Variants in CDC6 observed in about 807,000 individuals in gnomAD.
The protein encoded by CDC6 is DNA replication factor CDC6.
CDC6 carries 46 observed loss-of-function variants against 60.2 expected under a neutral mutation model. That is an observed-to-expected ratio of 0.76 (90% CI 0.60 to 0.98). The LOEUF (loss-of-function observed/expected upper bound fraction) is 0.98. Among genes scored for constraint, CDC6 ranks in the 50% least tolerant of loss-of-function variants. The probability of loss-of-function intolerance (pLI) is 0.00; values close to 1 mark genes in which losing one functional copy is unlikely to be tolerated. For synonymous variants in CDC6, 210 were observed against 233.2 expected (o/e 0.90, Z 0.90); for missense variants, 596 against 652.9 (o/e 0.91, Z 0.95).
intron 9 of CDC6, among the ~76,000 whole-genome samples, chr17:40,300,529 G>A (rs2032924175): frequency 6.6e-6 from 1 of 152,144 alleles, no homozygotes; most frequent in Non-Finnish European, 1.5e-5. Flanking sequence ...CCTTTCATGA[G>A]GTGGGTTTTG....
intron 7 of CDC6, among the ~76,000 whole-genome samples, chr17:40,295,129 A>G (rs1181330083): frequency 6.6e-6 from 1 of 152,180 alleles, no homozygotes; most frequent in Non-Finnish European, 1.5e-5. Flanking sequence ...TTCAGTTCTG[A>G]TTGCTTTTTT....
At chr17:40,295,326 A>ATC in intron 7 of CDC6, 30 bp from the exon 8 acceptor site, 1 of 1,410,592 alleles carries the variant, frequency 7.1e-7, no homozygotes, top group Non-Finnish European at 1.0e-6. Context: ...CTTATGGTTC[A>ATC]AACTGTCATC....
At chr17:40,300,748 T>G in intron 9 of CDC6, 80 bp from the exon 10 acceptor site, 11 of 1,118,302 alleles carry the variant, frequency 9.8e-6, no homozygotes, top group Non-Finnish European at 1.5e-5. Context: ...TAGCTCAAAC[T>G]TAGTATCATC....
intron 9 of CDC6, 104 bp downstream of exon 9, chr17:40,296,871 C>T: frequency 1.2e-6 from 1 of 839,652 alleles, no homozygotes; most frequent in South Asian, 1.3e-5. Context: ...TCCAAACTCA[C>T]CCATTTTTAT....
intron 1 of CDC6, chr17:40,289,110 A>G (rs909938050): frequency 2.9e-6 from 1 of 342,242 alleles, no homozygotes; most frequent in African/African-American, 2.2e-5. Context: ...GCCACTGTTT[A>G]TCTCAGTTTT....
chr17:40,294,908 A>G (rs1371910966), intron 7 of CDC6, among the ~76,000 whole-genome samples: 1 of 152,020 alleles, frequency 6.6e-6, no homozygotes, highest in Non-Finnish European at 1.5e-5. Flanking sequence ...TATTTTTAGT[A>G]GAGCTGGGGT....
At chr17:40,293,792 G>A (rs911685852) in intron 5 of CDC6, among the ~76,000 whole-genome samples, 158 bp from the exon 6 acceptor site, 1 of 152,352 alleles carries the variant, frequency 6.6e-6, no homozygotes, top group Middle Eastern at 3.4e-3. Flanking sequence ...ATTACTTATA[G>A]ATGATGTGGG....
chr17:40,291,472 C>A lies in CDC6; in HGVS notation c.464C>A (p.Thr155Asn). 6.2e-7 allele frequency: 1 copy of A among 1,614,238 alleles called. No individual in the cohort carries two copies. The highest frequency in any genetic ancestry group is 8.5e-7 in the Non-Finnish European group (1 of 1,180,044). ...ACVRLFKQEG[T>N]CYQQAKLVLN... ...TGACCTTTTATGTCTGGCACAGGCA[C>A]TTGCTACCAGCAAGCAAAGCTGGTC... Residue 155 changes from threonine (T) to asparagine (N), a missense_variant, in exon 4 of 12, where the codon ACT becomes AAT. Thr to Asn is a moderately conservative substitution (Grantham distance 65). Coordinates refer to ENST00000209728, the MANE Select transcript of CDC6 (RefSeq NM_001254.4).
chr17:40,302,083 G>A lies in CDC6; in HGVS notation c.*82G>A. ...CTTCATTTTAGTGCTTTACACATTC[G>A]GGCCTGAAAACAAATATGACCTTTT... is the stretch of plus-strand genomic sequence containing the variant. On this transcript the variant is annotated 3_prime_UTR_variant, in exon 12 of 12. Transcript: ENST00000209728. 4.7e-6 allele frequency: 4 copies of A among 847,272 alleles called. No individual in the cohort carries two copies. The highest frequency in any genetic ancestry group is 1.4e-5 in the South Asian group (1 of 73,426). 52.5% of individuals were successfully genotyped at this position (847,272 alleles called of 1,614,324 possible). A position where few individuals can be genotyped will look rare whatever the true frequency, so the allele number is the denominator to read the frequency against.
In CDC6 at chr17:40,293,625, C is replaced by T; in HGVS notation, c.830C>T (p.Pro277Leu). The T allele has an allele frequency of 6.2e-7, 1 of 1,611,072 alleles. No individual in the cohort carries two copies. The highest frequency in any genetic ancestry group is 8.5e-7 in the Non-Finnish European group (1 of 1,177,270). Residue 277 changes from proline to leucine, a missense_variant, in exon 5 of 12, where the codon CCC becomes CTC. Physicochemically the swap from Pro to Leu is moderately conservative, Grantham distance 98. Transcript: ENST00000209728. ...LEKHMTAEKG[P>L]MIVLVLDEMD... ...AAACATATGACTGCAGAGAAGGGCC[C>T]CATGATGTAAGTATTGTTCTGCTTC...
Position 40,291,352 on chromosome 17 carries a change from A to C in CDC6, c.460+13A>C, listed in dbSNP as rs201526357. The C allele has an allele frequency of 2.9e-4, 469 of 1,614,106 alleles. 1 individual carries two copies. In the African/African-American group the frequency reaches 5.5e-3, roughly 19 times the overall value. On this transcript the variant is annotated intron_variant, in intron 3 of 11. Coordinates refer to ENST00000209728, the MANE Select transcript of CDC6 (RefSeq NM_001254.4). ...TTCAAGCAAGAAGGTTTGTTCTTAC[A>C]TGGCAACTGTTAGTGCAGCCATTGT...
At position 40,289,590 on chromosome 17, in the gene CDC6, A is replaced by G; in HGVS notation, c.170A>G (p.Lys57Arg). The G allele has an allele frequency of 6.2e-7, 1 of 1,613,820 alleles. No homozygotes were observed. Among genetic ancestry groups the G allele is most frequent in the Non-Finnish European group, 8.5e-7 (1 of 1,179,740 alleles). Reference protein sequence around the residue: ...RVKALPLSPRKRLGDDNLCNT... With the variant: ...RVKALPLSPRRRLGDDNLCNT... ...AAAGCCCTGCCTCTCAGCCCCAGGA[A>G]ACGTCTGGGTAAACCATCCATTATA... The change falls in exon 2 of 12, where the codon AAA becomes AGA. Residue 57 changes from lysine (K) to arginine (R), a missense_variant. By Grantham distance (26) the Lys-to-Arg change is conservative (BLOSUM62 2). Coordinates refer to ENST00000209728, the MANE Select transcript of CDC6 (RefSeq NM_001254.4).
intron 8 of CDC6, 61 bp from the exon 9 acceptor site, chr17:40,296,642 T>C: frequency 3.3e-6 from 3 of 920,206 alleles, no homozygotes; most frequent in South Asian, 1.3e-5. Flanking sequence ...CTTTTGAGGC[T>C]GGTGGTTTGG....
At chr17:40,299,792 C>G (rs1020242141) in intron 9 of CDC6, among the ~76,000 whole-genome samples, 30 of 151,676 alleles carry the variant, frequency 2.0e-4, no homozygotes, top group Non-Finnish European at 3.7e-4. Context: ...GCTAGCATAT[C>G]CAATGACATT....
At chr17:40,295,644 A>G (rs2032847271) in intron 8 of CDC6, 188 bp downstream of exon 8, 1 of 606,402 alleles carries the variant, frequency 1.6e-6, no homozygotes, top group African/African-American at 1.9e-5. Context: ...CTGAAACATT[A>G]TCAGTCCATT....
intron 9 of CDC6, among the ~76,000 whole-genome samples, chr17:40,299,138 C>CTGTTTTTTTTTT (rs2032900631): frequency 1.6e-5 from 1 of 60,800 alleles, no homozygotes. Context: ...AGGCCATAGT[C>CTGTTTTTTTTTT]TTTTTTTTTT....
chr17:40,290,052 T>A (rs544410314), intron 2 of CDC6, among the ~76,000 whole-genome samples: 103 of 152,232 alleles, frequency 6.8e-4, no homozygotes, highest in African/African-American at 2.4e-3. Flanking sequence ...TTAGTTATTT[T>A]CAGAATGGTT....
In CDC6 at chr17:40,294,221, A is replaced by G; in HGVS notation, c.944-143A>G. On this transcript the variant is annotated intron_variant, in intron 6 of 11. Transcript: ENST00000209728. ...CTTACCTAATAGATACATCTTATCT[A>G]TTGGGATGGGGTAGGAGACAAGTGG... 7 of 872,822 alleles carry G rather than the reference A, an allele frequency of 8.0e-6. 1 individual carries two copies. The South Asian group carries it at 8.3e-5, about 10-fold the overall frequency. The allele number at this position is 872,822 out of a possible 1,614,324, so 54.1% of individuals were successfully genotyped here. A position where few individuals can be genotyped will look rare whatever the true frequency, so the allele number is the denominator to read the frequency against.
At chr17:40,291,729 G>C in intron 4 of CDC6, 61 bp downstream of exon 4, 1 of 1,517,604 alleles carries the variant, frequency 6.6e-7, no homozygotes, top group East Asian at 2.3e-5. Context: ...GTTTTTGTTT[G>C]TTTGTTTGTT....
Sources: gnomAD v4.1 joint callset for allele counts (sites outside exome capture counted in the v4.1 genomes callset) on GRCh38, gnomAD v4.1.1 for gene constraint, MANE v1.5 for transcripts, NCBI Gene and HGNC (gene_info 2026-07-23, HGNC 2026-07-21) for gene names.